The following MC2R variants were observed in gnomAD, a reference collection of about 807,000 sequenced individuals.
The protein encoded by MC2R is melanocortin 2 receptor, also known as adrenocorticotropic hormone receptor.
A neutral mutation model predicts 9.8 loss-of-function variants in MC2R; 9 were observed. The observed-to-expected ratio is 0.92, with a 90% CI of 0.55 to 1.60. The LOEUF is 1.60. MC2R is among the 40% of genes most tolerant of loss of function. MC2R has a pLI of 0.00. For missense variants in MC2R, 370 were observed against 389.0 expected, an observed-to-expected ratio of 0.95 and a Z score of 0.41; for synonymous variants, 185 against 154.7, an observed-to-expected ratio of 1.20 and a Z score of -1.45.
At chr18:13,892,686 C>T (rs987065915) in intron 1 of MC2R, among the ~76,000 whole-genome samples, 1 of 151,924 alleles carries the variant, frequency 6.6e-6, no homozygotes, top group Non-Finnish European at 1.5e-5. Context: ...TGTCTTGACA[C>T]CCCATGGTTC....
chr18:13,884,494 TG>T lies in MC2R; in HGVS notation c.*130del. 1.0e-6 allele frequency: 1 copy of T among 990,434 alleles called. No individual in the cohort carries two copies. Among genetic ancestry groups the T allele is most frequent in the Non-Finnish European group, 1.6e-6 (1 of 633,190 alleles). The allele number at this position is 990,434 out of a possible 1,614,324, so 61.4% of individuals were successfully genotyped here. On this transcript the variant is annotated 3_prime_UTR_variant, in exon 2 of 2. Coordinates refer to ENST00000327606, the MANE Select transcript of MC2R (RefSeq NM_000529.2). Reference sequence around the variant, plus strand: ...GAACCTAGCTATTAGAAACACTAGCTGGTGGGATCATCCTTGCATCCATTAG... The same window carrying T: ...GAACCTAGCTATTAGAAACACTAGCTGTGGGATCATCCTTGCATCCATTAG...
At chr18:13,914,602 A>G (rs770835087) in intron 1 of MC2R, among the ~76,000 whole-genome samples, 5 of 152,044 alleles carry the variant, frequency 3.3e-5, no homozygotes, top group Non-Finnish European at 7.4e-5. Context: ...GACTTTTTGC[A>G]TGCATGTATG....
intron 1 of MC2R, among the ~76,000 whole-genome samples, chr18:13,894,128 A>T (rs909637482): frequency 7.3e-6 from 1 of 137,116 alleles, no homozygotes; most frequent in Non-Finnish European, 1.6e-5. Context: ...AAATAGAAGC[A>T]TGTGTGTTTG....
intron 1 of MC2R, among the ~76,000 whole-genome samples, chr18:13,891,174 A>G (rs1327169784): frequency 6.6e-6 from 1 of 152,218 alleles, no homozygotes; most frequent in East Asian, 1.9e-4. Flanking sequence ...GTGTATTCAA[A>G]GAGAGTATAT....
At chr18:13,905,709 C>A (rs1209283346) in intron 1 of MC2R, among the ~76,000 whole-genome samples, 1 of 152,166 alleles carries the variant, frequency 6.6e-6, no homozygotes, top group Non-Finnish European at 1.5e-5. Context: ...GGATCTAGAA[C>A]TGGAAATACC....
At position 13,885,131 on chromosome 18, in the gene MC2R, T is replaced by G. The variant is rs1448926981; in HGVS notation, c.388A>C (p.Ile130Leu). The change falls in exon 2 of 2, where the codon ATC becomes CTC. Residue 130 changes from isoleucine (I) to leucine (L), a missense_variant. Physicochemically the swap from Ile to Leu is conservative, Grantham distance 5. Transcript: ENST00000327606. The part of the protein sequence containing the change: ...SLSVIAADRY[I>L]TIFHALRYHS... Reference sequence around the variant, plus strand: ...TACCGCAGTGCGTGGAAGATGGTGATGTAGCGGTCCGCAGCAATCACAGAC... The same window carrying G: ...TACCGCAGTGCGTGGAAGATGGTGAGGTAGCGGTCCGCAGCAATCACAGAC... 2.5e-6 allele frequency: 4 copies of G among 1,614,080 alleles called. No individual in the cohort carries two copies. The highest frequency in any genetic ancestry group is 1.1e-5 in the South Asian group (1 of 91,064).
chr18:13,899,598 G>A (rs531798498), intron 1 of MC2R, among the ~76,000 whole-genome samples: 4 of 152,260 alleles, frequency 2.6e-5, no homozygotes, highest in South Asian at 4.1e-4. Context: ...AGGATAAAGA[G>A]AGGATCCTAA....
At chr18:13,894,732 G>C (rs2045336513) in intron 1 of MC2R, among the ~76,000 whole-genome samples, 1 of 151,380 alleles carries the variant, frequency 6.6e-6, no homozygotes, top group Non-Finnish European at 1.5e-5. Flanking sequence ...AGCTGGCCCA[G>C]GCCTCTTATT....
At chr18:13,892,585 G>A (rs1464783945) in intron 1 of MC2R, among the ~76,000 whole-genome samples, 1 of 152,146 alleles carries the variant, frequency 6.6e-6, no homozygotes, top group Non-Finnish European at 1.5e-5. Context: ...GGCTTGAACA[G>A]CGTAGAACAA....
At chr18:13,912,231 G>T (rs2045448763) in intron 1 of MC2R, among the ~76,000 whole-genome samples, 1 of 152,122 alleles carries the variant, frequency 6.6e-6, no homozygotes, top group African/African-American at 2.4e-5. Flanking sequence ...AGAGTGAAAG[G>T]TATTCTCTCT....
intron 1 of MC2R, among the ~76,000 whole-genome samples, chr18:13,889,869 CT>C (rs1427944642): frequency 6.6e-6 from 1 of 152,162 alleles, no homozygotes; most frequent in East Asian, 1.9e-4. Context: ...TGACTCACCC[CT>C]GATCTGACTC....
intron 1 of MC2R, among the ~76,000 whole-genome samples, chr18:13,908,674 A>G (rs928452955): frequency 7.1e-6 from 1 of 140,808 alleles, no homozygotes; most frequent in African/African-American, 2.7e-5. Flanking sequence ...ATACCAGTTT[A>G]TAAAATTGCA....
At chr18:13,901,128 A>T (rs148527833) in intron 1 of MC2R, among the ~76,000 whole-genome samples, 1 of 152,202 alleles carries the variant, frequency 6.6e-6, no homozygotes, top group African/African-American at 2.4e-5. Flanking sequence ...TTGAAATTAA[A>T]CAATATGCTC....
At chr18:13,914,231 C>T (rs371717212) in intron 1 of MC2R, among the ~76,000 whole-genome samples, 6 of 152,282 alleles carry the variant, frequency 3.9e-5, no homozygotes, top group East Asian at 1.9e-4. Context: ...ACCCCTGCCG[C>T]GGCCTAAGCG....
At chr18:13,907,596 T>C (rs28756439) in intron 1 of MC2R, among the ~76,000 whole-genome samples, 73,830 of 151,964 alleles carry the variant, frequency 0.49, 18,361 homozygotes, top group Middle Eastern at 0.6. Context: ...ACTCACAGAA[T>C]GGGAGAAAAT....
chr18:13,908,759 A>G (rs1305330949), intron 1 of MC2R, among the ~76,000 whole-genome samples: 1 of 126,852 alleles, frequency 7.9e-6, no homozygotes, highest in Non-Finnish European at 1.8e-5. Context: ...AAGCAAAGGC[A>G]TAGAAAAATC....
intron 1 of MC2R, among the ~76,000 whole-genome samples, chr18:13,888,862 C>A (rs2045295211): frequency 6.6e-6 from 1 of 152,194 alleles, no homozygotes; most frequent in South Asian, 2.1e-4. Context: ...TCAACAATGT[C>A]TTTGGCTTAA....
In MC2R at chr18:13,885,039, C is replaced by A; in HGVS notation, c.480G>T (p.Gly160=). ...VLTVIWTFCT[G]TGITMVIFSH... Reference sequence around the variant, plus strand: ...AGAAGATCACCATGGTGATGCCAGTCCCCGTGCAGAACGTCCAGATGACCG... The same window carrying A: ...AGAAGATCACCATGGTGATGCCAGTACCCGTGCAGAACGTCCAGATGACCG... The change falls in exon 2 of 2, where the codon GGG becomes GGT. Residue 160 remains glycine, a synonymous_variant. Transcript: ENST00000327606. The A allele has an allele frequency of 2.5e-6, 4 of 1,614,132 alleles. No individual in the cohort carries two copies. Among genetic ancestry groups the A allele is most frequent in the Non-Finnish European group, 3.4e-6 (4 of 1,180,032 alleles).
At chr18:13,912,245 T>A (rs1250370952) in intron 1 of MC2R, among the ~76,000 whole-genome samples, 1 of 152,188 alleles carries the variant, frequency 6.6e-6, no homozygotes, top group African/African-American at 2.4e-5. Context: ...TCTCTCTTAA[T>A]GCTCCAGTTA....
Sources: allele counts gnomAD v4.1 joint callset (sites outside exome capture counted in the v4.1 genomes callset), GRCh38; gene constraint gnomAD v4.1.1; transcripts MANE v1.5; gene names NCBI Gene and HGNC (gene_info 2026-07-23, HGNC 2026-07-21).